The following TTC23 variants were observed in gnomAD, a reference collection of about 807,000 sequenced individuals.
TTC23 encodes the protein tetratricopeptide repeat domain 23.
In TTC23, 58 loss-of-function variants were observed where a neutral mutation model predicts 55.1. The ratio of observed to expected loss-of-function variants is 1.05; its 90% confidence interval spans 0.85 to 1.31. TTC23 has a LOEUF of 1.31. Among genes scored for constraint, TTC23 ranks in the 50% most tolerant of loss-of-function variants. The probability of loss-of-function intolerance (pLI) is 0.00; values close to 1 mark genes in which losing one functional copy is unlikely to be tolerated. For missense variants in TTC23, 516 were observed against 534.4 expected (o/e 0.97, Z 0.34); for synonymous variants, 203 against 199.9 (o/e 1.02, Z -0.13).
chr15:99,241,134 T>C (rs1367998050), intron 3 of TTC23, among the ~76,000 whole-genome samples: 1 of 152,050 alleles, frequency 6.6e-6, no homozygotes, highest in African/African-American at 2.4e-5. Context: ...CTGACCAACA[T>C]GGAGAAACCC....
intron 10 of TTC23, among the ~76,000 whole-genome samples, chr15:99,172,238 G>A (rs28594596): frequency 0.039 from 5,894 of 151,694 alleles, 219 homozygotes; most frequent in African/African-American, 0.098. Flanking sequence ...GGCTGGTCTC[G>A]AACTCCTGAC....
At chr15:99,208,239 T>C (rs1384474714) in intron 8 of TTC23, among the ~76,000 whole-genome samples, 4 of 152,058 alleles carry the variant, frequency 2.6e-5, no homozygotes, top group Non-Finnish European at 5.9e-5. Flanking sequence ...AGTTTTAAAA[T>C]ATGACAAATT....
At chr15:99,184,699 C>T (rs1262490679) in intron 9 of TTC23, among the ~76,000 whole-genome samples, 2 of 152,010 alleles carry the variant, frequency 1.3e-5, no homozygotes, top group African/African-American at 4.8e-5. Context: ...AGACTTTGGA[C>T]TTGGACTTTT....
intron 2 of TTC23, among the ~76,000 whole-genome samples, chr15:99,244,120 C>T (rs2080035825): frequency 6.6e-6 from 1 of 152,010 alleles, no homozygotes; most frequent in Non-Finnish European, 1.5e-5. Flanking sequence ...ACTATGTACT[C>T]ACAAAAATTA....
chr15:99,210,774 C>G (rs1434048456), intron 8 of TTC23, among the ~76,000 whole-genome samples: 2 of 152,086 alleles, frequency 1.3e-5, no homozygotes, highest in East Asian at 3.8e-4. Flanking sequence ...ACTATGGGAT[C>G]TAAGAGCAAA....
At chr15:99,213,244 A>G (rs1191646755) in intron 8 of TTC23, among the ~76,000 whole-genome samples, 2 of 152,256 alleles carry the variant, frequency 1.3e-5, no homozygotes, top group Non-Finnish European at 2.9e-5. Context: ...TGTGGTGATT[A>G]TATCAGGGTG....
rs116327673 is a variant in TTC23, at chr15:99,194,358, A to G, written c.759+5561T>C. 9.7e-3 allele frequency among the ~76,000 whole-genome samples: 1,479 copies of G among 152,226 alleles called. 25 individuals are homozygous for G. The highest frequency in any genetic ancestry group is 0.034 in the African/African-American group (1,431 of 41,546). The stretch of plus-strand genomic sequence containing the variant: ...ATACTACCCAACTTGAAGACTTACA[A>G]TAAAGCTACAGTAATTAAGACAGTG... On this transcript the variant is annotated intron_variant, in intron 9 of 13. Transcript: ENST00000394132.
At chr15:99,247,436 CA>C (rs1245016841) in intron 1 of TTC23, among the ~76,000 whole-genome samples, 1 of 152,076 alleles carries the variant, frequency 6.6e-6, no homozygotes, top group Non-Finnish European at 1.5e-5. Context: ...ACAATTAGTA[CA>C]ATTAAACACT....
At chr15:99,215,638 C>A (rs1285187442) in intron 8 of TTC23, among the ~76,000 whole-genome samples, 4 of 151,918 alleles carry the variant, frequency 2.6e-5, no homozygotes, top group African/African-American at 9.7e-5. Context: ...CCAAGCTACT[C>A]AGGAGGCTGA....
intron 9 of TTC23, among the ~76,000 whole-genome samples, chr15:99,197,285 G>A (rs930996475): frequency 1.3e-5 from 2 of 152,010 alleles, no homozygotes; most frequent in African/African-American, 4.8e-5. Context: ...TGTATTGTTA[G>A]TAGAGATGGG....
rs2067707986 is a variant in TTC23, at chr15:99,137,760, C to G, written c.*250G>C. 2 of 512,612 alleles carry G rather than the reference C, an allele frequency of 3.9e-6. No individual in the cohort carries two copies. 31.8% of individuals were successfully genotyped at this position (512,612 alleles called of 1,614,324 possible). ...ACAGTAGTGCTGATGGGTAAAAATT[C>G]TTGTTGGCAAGAAAAACCACTTAGG... On this transcript the variant is annotated 3_prime_UTR_variant, in exon 14 of 14. Transcript: ENST00000394132.
intron 8 of TTC23, among the ~76,000 whole-genome samples, chr15:99,205,579 A>G (rs1596652916): frequency 6.7e-6 from 1 of 148,354 alleles, no homozygotes; most frequent in African/African-American, 2.5e-5. Context: ...TGTAAATGGC[A>G]TTACTTTCTT....
chr15:99,169,238 C>G (rs550460058), intron 10 of TTC23, among the ~76,000 whole-genome samples: 2 of 152,256 alleles, frequency 1.3e-5, no homozygotes, highest in East Asian at 1.9e-4. Flanking sequence ...AACAAATGGG[C>G]CCTGAGAAGG....
intron 4 of TTC23, among the ~76,000 whole-genome samples, chr15:99,232,821 A>G (rs145177105): frequency 1.3e-5 from 2 of 152,338 alleles, no homozygotes; most frequent in East Asian, 3.9e-4. Context: ...AGTATATTGA[A>G]GAGATCCCTG....
At chr15:99,243,773 C>A (rs2080005464) in intron 2 of TTC23, among the ~76,000 whole-genome samples, 1 of 152,026 alleles carries the variant, frequency 6.6e-6, no homozygotes, top group African/African-American at 2.4e-5. Context: ...AAAATTAAAA[C>A]AACTGAACTC....
intron 8 of TTC23, among the ~76,000 whole-genome samples, chr15:99,205,593 T>C (rs1052797803): frequency 6.6e-6 from 1 of 152,018 alleles, no homozygotes; most frequent in Non-Finnish European, 1.5e-5. Context: ...CTTTCTTGTT[T>C]TTTTTTTTCC....
At chr15:99,194,457 C>T (rs1207218057) in intron 9 of TTC23, among the ~76,000 whole-genome samples, 1 of 147,498 alleles carries the variant, frequency 6.8e-6, no homozygotes, top group Non-Finnish European at 1.5e-5. Flanking sequence ...CACATAAATA[C>T]AGTCCACTGA....
chr15:99,243,165 C>A (rs533495671), intron 2 of TTC23, among the ~76,000 whole-genome samples: 1 of 152,200 alleles, frequency 6.6e-6, no homozygotes, highest in African/African-American at 2.4e-5. Flanking sequence ...GAAAAAAAAT[C>A]TAATAATCTG....
At chr15:99,196,343 GA>G (rs1369115217) in intron 9 of TTC23, among the ~76,000 whole-genome samples, 1 of 152,130 alleles carries the variant, frequency 6.6e-6, no homozygotes, top group African/African-American at 2.4e-5. Flanking sequence ...TTCTGTGGCA[GA>G]ATGTTAATAT....
Sources: gnomAD v4.1 joint callset for allele counts (sites outside exome capture counted in the v4.1 genomes callset) on GRCh38, gnomAD v4.1.1 for gene constraint, MANE v1.5 for transcripts, NCBI Gene and HGNC (gene_info 2026-07-23, HGNC 2026-07-21) for gene names.